TEX13C: variants seen among roughly 807,000 people sequenced by gnomAD.
The protein encoded by TEX13C is TEX13 family member C, also known as testis-expressed protein 13C.
For synonymous variants in TEX13C, 219 were observed against 116.6 expected (o/e 1.88, Z -5.65); for missense variants, 480 against 298.7 (o/e 1.61, Z -4.47).
chrX:125,322,226 G>A (rs190033534), exon 1 of TEX13C: 2 of 505,143 alleles, frequency 4.0e-6, no homozygotes, highest in Admixed American at 5.4e-5. Flanking sequence ...CAAGGAGATG[G>A]TCCCCCTGGG....
chrX:125,320,244 C>T (rs2018822122), exon 1 of TEX13C: 1 of 515,196 alleles, frequency 1.9e-6, no homozygotes, highest in African/African-American at 2.3e-5. Flanking sequence ...CGCTCGCGGC[C>T]GTGGAACGAG....
At chrX:125,320,066 C>T (rs990116302), upstream of TEX13C, 48 of 453,567 alleles carry the variant, frequency 1.1e-4, no homozygotes, top group Non-Finnish European at 6.2e-5. Context: ...GAAGCGGCGG[C>T]GGCAGCCGAG....
chrX:125,321,987 T>C, exon 1 of TEX13C: 1 of 488,547 alleles, frequency 2.0e-6, no homozygotes, highest in African/African-American at 2.7e-5. Flanking sequence ...ACAGCTCCCC[T>C]GATGTTTAGC....
exon 1 of TEX13C, chrX:125,324,028 T>C (rs1209203822): frequency 8.9e-6 from 1 of 112,522 alleles, no homozygotes; most frequent in African/African-American, 3.2e-5. Flanking sequence ...GTAGCAACTT[T>C]GATGAATTTC....
chrX:125,321,501 A>G (rs1370764016), exon 1 of TEX13C: 18 of 510,874 alleles, frequency 3.5e-5, no homozygotes, highest in Non-Finnish European at 5.9e-5. Context: ...AGCAACAGCC[A>G]TAGCCTGAAG....
At chrX:125,321,397 G>A in exon 1 of TEX13C, 1 of 514,016 alleles carries the variant, frequency 1.9e-6, no homozygotes, top group Non-Finnish European at 3.5e-6. Context: ...AAGATCCAGT[G>A]ATGCCCCAGA....
chrX:125,320,549 G>A (rs2018826513), exon 1 of TEX13C: 1 of 515,811 alleles, frequency 1.9e-6, no homozygotes, highest in Non-Finnish European at 3.5e-6. Flanking sequence ...TGGGTTATGC[G>A]GGAGGCTGCT....
exon 1 of TEX13C, chrX:125,321,892 A>G (rs1463917123): frequency 4.1e-5 from 21 of 511,555 alleles, no homozygotes; most frequent in Non-Finnish European, 6.3e-5. Flanking sequence ...GTCTGAAGAA[A>G]GATCCAATGA....
exon 1 of TEX13C, chrX:125,321,158 A>T (rs1214127067): frequency 1.9e-6 from 1 of 515,485 alleles, no homozygotes. Flanking sequence ...GCAAGAGGGC[A>T]CAGCTCCCCC....
At chrX:125,320,438 C>G in exon 1 of TEX13C, 1 of 515,936 alleles carries the variant, frequency 1.9e-6, no homozygotes, top group South Asian at 2.5e-5. Context: ...CTCCTGGGCT[C>G]TAACTTCCCA....
At chrX:125,320,119 C>T (rs1041845545), upstream of TEX13C, 21 of 471,214 alleles carry the variant, frequency 4.5e-5, no homozygotes, top group Admixed American at 3.1e-5. Flanking sequence ...CCGCAGCCGC[C>T]ATGGCGATGA....
At chrX:125,321,635 A>C (rs1440277351) in exon 1 of TEX13C, 1 of 509,491 alleles carries the variant, frequency 2.0e-6, no homozygotes, top group Non-Finnish European at 3.5e-6. Context: ...CCACAGCCTG[A>C]AGAAAGATCT....
At chrX:125,320,822 C>T in exon 1 of TEX13C, 1 of 515,244 alleles carries the variant, frequency 1.9e-6, no homozygotes, top group Non-Finnish European at 3.5e-6. Context: ...AGTCCCATTC[C>T]ATATGCCTTC....
At chrX:125,320,618 G>C in exon 1 of TEX13C, 1 of 515,859 alleles carries the variant, frequency 1.9e-6, no homozygotes, top group Non-Finnish European at 3.5e-6. Flanking sequence ...ACCCGGTCCA[G>C]AAGCCGGCCA....
At chrX:125,320,064 G>A (rs769140879), upstream of TEX13C, 77 of 453,714 alleles carry the variant, frequency 1.7e-4, no homozygotes, top group Non-Finnish European at 2.6e-4. Flanking sequence ...CGGAAGCGGC[G>A]GCGGCAGCCG....
At chrX:125,320,274 C>T in exon 1 of TEX13C, 2 of 515,938 alleles carry the variant, frequency 3.9e-6, no homozygotes, top group South Asian at 2.5e-5. Context: ...CGGCTTCGGG[C>T]CATTGTGGCC....
At chrX:125,321,086 C>T in exon 1 of TEX13C, 1 of 515,688 alleles carries the variant, frequency 1.9e-6, no homozygotes, top group Non-Finnish European at 3.5e-6. Context: ...TTCTGAGTGT[C>T]CCCAAGGAAT....
chrX:125,320,783 C>T (rs1373595603), exon 1 of TEX13C: 11 of 513,669 alleles, frequency 2.1e-5, no homozygotes, highest in Non-Finnish European at 3.8e-5. Flanking sequence ...GGGCATGCAA[C>T]CTCTTCTGCT....
exon 1 of TEX13C, chrX:125,323,956 T>G (rs1031340882): frequency 8.9e-6 from 1 of 112,213 alleles, no homozygotes; most frequent in African/African-American, 3.2e-5. Context: ...TTGAATTTTT[T>G]CATTGGTATG....
Sources: gnomAD v4.1 joint callset for allele counts on GRCh38, gnomAD v4.1.1 for gene constraint, MANE v1.5 for transcripts, NCBI Gene and HGNC (gene_info 2026-07-23, HGNC 2026-07-21) for gene names.